ZAN: variants seen among roughly 807,000 people sequenced by gnomAD.
ZAN encodes the protein zonadhesin, also known as zonadhesin (gene/pseudogene).
A neutral mutation model predicts 286.2 loss-of-function variants in ZAN; 260 were observed. The ratio of observed to expected loss-of-function variants is 0.91; its 90% confidence interval spans 0.82 to 1.01. The LOEUF (loss-of-function observed/expected upper bound fraction) is 1.01. Among genes scored for constraint, ZAN ranks in the 50% least tolerant of loss-of-function variants. ZAN has a pLI of 0.00. For synonymous variants in ZAN, 1,368 were observed against 1,417.5 expected, an observed-to-expected ratio of 0.97 and a Z score of 0.79; for missense variants, 3,410 against 3,639.2, an observed-to-expected ratio of 0.94 and a Z score of 1.62.
chr7:100,738,681 G>T lies in ZAN; in HGVS notation c.766+68G>T. 2 of 1,423,854 alleles carry T rather than the reference G, an allele frequency of 1.4e-6. 1 individual carries two copies. Among genetic ancestry groups the T allele is most frequent in the Non-Finnish European group, 1.9e-6 (2 of 1,040,430 alleles). 88.2% of individuals were successfully genotyped at this position (1,423,854 alleles called of 1,614,324 possible). A position where few individuals can be genotyped will look rare whatever the true frequency, so the allele number is the denominator to read the frequency against. ...CAAGCACCCTACGATAATTGCCCTG[G>T]GACGGTCTGTCATGAACACCTACAG... is the stretch of plus-strand genomic sequence containing the variant. On this transcript the variant is annotated intron_variant, in intron 7 of 47. Transcript: ENST00000613979.
intron 44 of ZAN, among the ~76,000 whole-genome samples, chr7:100,794,927 G>T (rs1303827137): frequency 6.6e-6 from 1 of 150,856 alleles, no homozygotes; most frequent in African/African-American, 2.5e-5. Flanking sequence ...GGAAGGGAGA[G>T]GAGGGGAGAA....
At position 100,751,897 on chromosome 7, in the gene ZAN, C is replaced by T. The variant is rs767193240; in HGVS notation, c.1792C>T (p.Pro598Ser). 5 of 1,613,324 alleles carry T rather than the reference C, an allele frequency of 3.1e-6. No homozygotes were observed. The highest frequency in any genetic ancestry group is 3.3e-5 in the Admixed American group (2 of 59,864). The change falls in exon 14 of 48, where the codon CCC becomes TCC. Residue 598 changes from proline to serine, a missense_variant. Transcript: ENST00000613979. ...AAAGCCCACCATTCCCACAGAAAAACCCACCATCTCCACAGAAAAACCCAC... is the reference window on the plus strand; with the variant it reads ...AAAGCCCACCATTCCCACAGAAAAATCCACCATCTCCACAGAAAAACCCAC... Reference protein sequence around the residue: ...KEKPTIPTEKPTISTEKPTIP... With the variant: ...KEKPTIPTEKSTISTEKPTIP...
intron 2 of ZAN, among the ~76,000 whole-genome samples, chr7:100,734,824 A>G (rs1177155013): frequency 7.1e-6 from 1 of 140,490 alleles, no homozygotes; most frequent in Non-Finnish European, 1.6e-5. Flanking sequence ...TCAGGCCCTC[A>G]GGAAACGGAC....
chr7:100,786,184 G>C, intron 37 of ZAN, 43 bp downstream of exon 37: 1 of 1,610,412 alleles, frequency 6.2e-7, no homozygotes. Context: ...GAGCACCTGT[G>C]GCCAGGGCGG....
In ZAN at chr7:100,745,033, G is replaced by A. The variant is rs575024885; in HGVS notation, c.767-1505G>A. On this transcript the variant is annotated intron_variant, in intron 7 of 47. Transcript: ENST00000613979. ...CGAGTAGCTGGGATTACAGATGCCC[G>A]CCACCACGCCCGGCTAATTTTTGTA... Among the ~76,000 whole-genome samples, 8 of 151,424 alleles carry A rather than the reference G, an allele frequency of 5.3e-5. No individual in the cohort carries two copies. In the East Asian group the frequency reaches 1.4e-3, roughly 26 times the overall value.
chr7:100,759,750 G>A lies in ZAN; in HGVS notation c.3601G>A (p.Glu1201Lys), dbSNP rs1456087288. The A allele has an allele frequency of 1.4e-5, 23 of 1,593,906 alleles. No individual in the cohort carries two copies. Among genetic ancestry groups the A allele is most frequent in the Non-Finnish European group, 1.4e-5 (16 of 1,170,450 alleles). Residue 1201 changes from glutamate (E) to lysine (K), a missense_variant, in exon 18 of 48, where the codon GAG (glutamate) becomes AAG (lysine). Physicochemically the swap from Glu to Lys is moderately conservative, Grantham distance 56. This residue lies in a region of ZAN where 1,042 missense variants were observed against 1,058.0 expected (regional missense o/e 0.98). Coordinates refer to ENST00000613979, the MANE Select transcript of ZAN (RefSeq NM_003386.3). ...ATTCTTCAGGGTGACAGCCAAGAAT[G>A]AGGAGCAGGGACAGGAAGGCGTGTC... The part of the protein sequence containing the change: ...DPFFRVTAKN[E>K]EQGQEGVSCL...
intron 23 of ZAN, 61 bp downstream of exon 23, chr7:100,765,615 C>T: frequency 1.3e-6 from 2 of 1,500,080 alleles, no homozygotes; most frequent in East Asian, 2.5e-5. Context: ...CCTGCTCTCA[C>T]ACCCCCTGCA....
chr7:100,762,969 A>G (rs1354343646), intron 20 of ZAN, among the ~76,000 whole-genome samples: 4 of 141,432 alleles, frequency 2.8e-5, no homozygotes, highest in East Asian at 2.2e-4. Flanking sequence ...GCCCTCCCCA[A>G]CGGTTTTTTT....
chr7:100,779,437 C>G lies in ZAN; in HGVS notation c.6318-9C>G, dbSNP rs759881753. The G allele has an allele frequency of 6.3e-7, 1 of 1,596,610 alleles. No homozygotes were observed. Among genetic ancestry groups the G allele is most frequent in the Non-Finnish European group, 8.5e-7 (1 of 1,170,520 alleles). On this transcript the variant is annotated splice_polypyrimidine_tract_variant and intron_variant, in intron 34 of 47. Coordinates refer to ENST00000613979, the MANE Select transcript of ZAN (RefSeq NM_003386.3). Reference sequence around the variant, plus strand: ...GGCTGTCCCTAGGCTGATTCTTTTCCCTTCCCAGTTGTCAGAGTCTCCTGG... The same window carrying G: ...GGCTGTCCCTAGGCTGATTCTTTTCGCTTCCCAGTTGTCAGAGTCTCCTGG...
At chr7:100,790,053 AT>A (rs1364686089) in intron 39 of ZAN, among the ~76,000 whole-genome samples, 1 of 151,176 alleles carries the variant, frequency 6.6e-6, no homozygotes, top group Non-Finnish European at 1.5e-5. Flanking sequence ...GAGGCCAGGC[AT>A]TCGAGACCAG....
Position 100,758,332 on chromosome 7 carries a change from G to A in ZAN, c.3440G>A (p.Cys1147Tyr). Reference sequence around the variant, plus strand: ...CAGCTTAAGAATGGCCAGTATGGATGCCACCCCTACGGTGAGAGCCCCTCC... The same window carrying A: ...CAGCTTAAGAATGGCCAGTATGGATACCACCCCTACGGTGAGAGCCCCTCC... ...VCQLKNGQYG[C>Y]HPYAGTATCL... Residue 1147 changes from cysteine (C) to tyrosine (Y), a missense_variant, in exon 16 of 48, where the codon TGC becomes TAC. Physicochemically the swap from Cys to Tyr is radical, Grantham distance 194. This residue lies in a region of ZAN where 1,042 missense variants were observed against 1,058.0 expected (regional missense o/e 0.98). Transcript: ENST00000613979. 2 of 1,612,836 alleles carry A rather than the reference G, an allele frequency of 1.2e-6. No homozygotes were observed. The highest frequency in any genetic ancestry group is 2.2e-5 in the South Asian group (2 of 91,020).
chr7:100,749,651 AAT>A lies in ZAN; in HGVS notation c.1250-950_1250-949del, dbSNP rs1247548413. Among the ~76,000 whole-genome samples the A allele has an allele frequency of 5.3e-3, 583 of 109,284 alleles. 10 individuals are homozygous for A. The highest frequency in any genetic ancestry group is 0.011 in the African/African-American group (312 of 27,628). 71.7% of individuals were successfully genotyped at this position (109,284 alleles called of 152,430 possible). The stretch of plus-strand genomic sequence containing the variant: ...TGAGACTCCGTCTCAAAAAAAAAAA[AAT>A]ATATATATATATATATATATATACA... On this transcript the variant is annotated intron_variant, in intron 11 of 47. Transcript: ENST00000613979.
At chr7:100,750,092 A>ACACACACACACT (rs1259716733) in intron 11 of ZAN, among the ~76,000 whole-genome samples, 2 of 149,560 alleles carry the variant, frequency 1.3e-5, no homozygotes, top group African/African-American at 2.5e-5. Flanking sequence ...ACACACACAC[A>ACACACACACACT]CACACACGAC....
chr7:100,775,877 G>A, intron 33 of ZAN, 44 bp downstream of exon 33: 2 of 1,601,486 alleles, frequency 1.2e-6, no homozygotes, highest in Non-Finnish European at 1.7e-6. Flanking sequence ...GGCAGCCCCA[G>A]GGAGATTGGT....
chr7:100,787,917 C>G lies in ZAN; in HGVS notation c.7008C>G (p.Asp2336Glu). The change falls in exon 38 of 48, where the codon GAC (aspartate) becomes GAG (glutamate). Residue 2336 changes from aspartate (D) to glutamate (E), a missense_variant. Asp to Glu is a conservative substitution (Grantham distance 45, BLOSUM62 2). Around this residue, in one of 7 missense-constraint regions of ZAN, gnomAD observed 1,289 missense variants for 1,314.3 expected, o/e 0.98. Coordinates refer to ENST00000613979, the MANE Select transcript of ZAN (RefSeq NM_003386.3). ...CTGAACAATGCTCAGTCTATGGCGACCCCCGTTACCTCACATTTGACGGCT... is the reference window on the plus strand; with the variant it reads ...CTGAACAATGCTCAGTCTATGGCGAGCCCCGTTACCTCACATTTGACGGCT... ...DKSEQCSVYGDPRYLTFDGFS... is the reference protein window; with the variant it reads ...DKSEQCSVYGEPRYLTFDGFS... 6.5e-7 allele frequency: 1 copy of G among 1,543,270 alleles called. No individual in the cohort carries two copies.
chr7:100,773,502 C>G lies in ZAN; in HGVS notation c.5634+9C>G, dbSNP rs193065881. 1 of 1,612,574 alleles carries G rather than the reference C, an allele frequency of 6.2e-7. No individual in the cohort carries two copies. The highest frequency in any genetic ancestry group is 8.5e-7 in the Non-Finnish European group (1 of 1,179,442). On this transcript the variant is annotated intron_variant, in intron 30 of 47. Coordinates refer to ENST00000613979, the MANE Select transcript of ZAN (RefSeq NM_003386.3). ...CGGGCTCCTACCACCCGGTGAGAGG[C>G]CAGCTAGGAGGGGCCCCGCCCTTTC...
intron 44 of ZAN, 67 bp downstream of exon 44, chr7:100,794,325 G>A (rs1397708736): frequency 1.5e-5 from 23 of 1,524,436 alleles, no homozygotes; most frequent in Admixed American, 2.1e-5. Context: ...ACCAAGGATC[G>A]TCCCCTCCTT....
chr7:100,752,095 C>T lies in ZAN; in HGVS notation c.1990C>T (p.Pro664Ser). Residue 664 changes from proline to serine, a missense_variant, in exon 14 of 48, where the codon CCC (proline) becomes TCC (serine). Coordinates refer to ENST00000613979, the MANE Select transcript of ZAN (RefSeq NM_003386.3). ...PTVPTEEPTT[P>S]TEETTTSMEE... is the part of the protein sequence containing the mutation. ...CGTCCCCACAGAAGAGCCCACCACC[C>T]CCACTGAGGAGACCACCACCTCCAT... is the stretch of plus-strand genomic sequence containing the variant. 1 of 1,611,972 alleles carries T rather than the reference C, an allele frequency of 6.2e-7. No homozygotes were observed.
chr7:100,773,536 C>T, intron 30 of ZAN, 43 bp downstream of exon 30: 3 of 1,602,482 alleles, frequency 1.9e-6, no homozygotes, highest in Non-Finnish European at 2.6e-6. Flanking sequence ...TCCAGGCCCA[C>T]ATGTTTGGGG....
Sources: allele counts gnomAD v4.1 joint callset (sites outside exome capture counted in the v4.1 genomes callset), GRCh38; gene constraint gnomAD v4.1.1; regional missense constraint gnomAD v4.1.1; transcripts MANE v1.5; gene names NCBI Gene and HGNC (gene_info 2026-07-23, HGNC 2026-07-21).